The following FIBP variants were observed in gnomAD, a reference collection of about 807,000 sequenced individuals.
The protein encoded by FIBP is FGF1 intracellular binding protein.
In FIBP, 29 loss-of-function variants were observed where a neutral mutation model predicts 40.5. The observed-to-expected ratio is 0.72, with a 90% CI of 0.53 to 0.98. The LOEUF (loss-of-function observed/expected upper bound fraction) is 0.98. Among genes scored for constraint, FIBP ranks in the 50% least tolerant of loss-of-function variants. The pLI is 0.00. For missense variants in FIBP, 411 were observed against 470.2 expected, an observed-to-expected ratio of 0.87 and a Z score of 1.16; for synonymous variants, 215 against 191.1, an observed-to-expected ratio of 1.13 and a Z score of -1.03.
chr11:65,886,484 A>G (rs1036194485), intron 3 of FIBP, 62 bp from the exon 4 acceptor site: 10 of 1,071,350 alleles, frequency 9.3e-6, no homozygotes, highest in Middle Eastern at 2.0e-4. Context: ...CGCTCACCCA[A>G]TAAACCACTT....
Position 65,884,397 on chromosome 11 carries a change from G to C in FIBP, c.999C>G (p.Gly333=). ...QYSASVHSLD[G]FRHQALWDRY... ...AGGAGGACAGGGCTGCTCACCGGAA[G>C]CCATCGAGGGAGTGGACAGACGCTG... The change falls in exon 9 of 10, where the codon GGC becomes GGG. Residue 333 remains glycine (G), a synonymous_variant. Coordinates refer to ENST00000357519, the MANE Select transcript of FIBP (RefSeq NM_004214.5). 6.2e-7 allele frequency: 1 copy of C among 1,613,836 alleles called. No homozygotes were observed. Among genetic ancestry groups the C allele is most frequent in the Non-Finnish European group, 8.5e-7 (1 of 1,179,814 alleles).
chr11:65,883,845 C>T lies in FIBP; in HGVS notation c.*129G>A, dbSNP rs963337031. On this transcript the variant is annotated 3_prime_UTR_variant, in exon 10 of 10. Coordinates refer to ENST00000357519, the MANE Select transcript of FIBP (RefSeq NM_004214.5). ...CACTGTACACATCCATCCTTGTACA[C>T]GGACACCAGGTGCTCAGAGACAGAC... The T allele has an allele frequency of 1.1e-5, 9 of 831,486 alleles. No individual in the cohort carries two copies. The highest frequency in any genetic ancestry group is 4.4e-5 in the Admixed American group (2 of 45,228). The allele number at this position is 831,486 out of a possible 1,614,324, so 51.5% of individuals were successfully genotyped here.
In FIBP at chr11:65,884,519, G is replaced by A. The variant is rs765337956; in HGVS notation, c.907-30C>T. The A allele has an allele frequency of 2.2e-5, 35 of 1,614,084 alleles. 1 individual carries two copies. In the South Asian group the frequency reaches 3.0e-4, roughly 14 times the overall value. On this transcript the variant is annotated intron_variant, in intron 8 of 9. Transcript: ENST00000357519. ...GGGCCCAAGAGAATACTTAGCACTTGTATAGGCCAGGGACAGACCAGGTTG... is the reference window on the plus strand; with the variant it reads ...GGGCCCAAGAGAATACTTAGCACTTATATAGGCCAGGGACAGACCAGGTTG...
In FIBP at chr11:65,885,262, C is replaced by T. The variant is rs1860205466; in HGVS notation, c.647-76G>A. ...ATAGCCTAAGCCTTTCCTCACCCAC[C>T]ACCTTATTTCCCCCCTGGGGACAAA... On this transcript the variant is annotated intron_variant, in intron 5 of 9. Transcript: ENST00000357519. 5 of 1,190,138 alleles carry T rather than the reference C, an allele frequency of 4.2e-6. No individual in the cohort carries two copies. In the Admixed American group the frequency reaches 6.9e-5, roughly 16 times the overall value. 73.7% of individuals were successfully genotyped at this position (1,190,138 alleles called of 1,614,324 possible).
Position 65,884,642 on chromosome 11 carries a change from C to G in FIBP, c.834G>C (p.Gly278=). ...MEANFKNLSR[G]LVNVAAKLTH... is the part of the protein sequence containing the mutation. ...TCAGCTTGGCGGCCACGTTCACCAG[C>G]CCCCGGGACAGGTTCTGTGGGGCAG... is the stretch of plus-strand genomic sequence containing the variant. Residue 278 remains glycine (G), a synonymous_variant, in exon 8 of 10, where the codon GGG becomes GGC. Coordinates refer to ENST00000357519, the MANE Select transcript of FIBP (RefSeq NM_004214.5). The G allele has an allele frequency of 6.2e-7, 1 of 1,613,974 alleles. No homozygotes were observed. The highest frequency in any genetic ancestry group is 1.6e-4 in the Middle Eastern group (1 of 6,062).
chr11:65,885,903 G>C (rs2134773431), intron 4 of FIBP: 1 of 512,974 alleles, frequency 1.9e-6, no homozygotes, highest in East Asian at 3.1e-5. Flanking sequence ...TATCTACTGA[G>C]CACTTCCTAA....
In FIBP at chr11:65,887,646, T is replaced by C. The variant is rs375123822; in HGVS notation, c.365A>G (p.Asp122Gly). The C allele has an allele frequency of 5.5e-5, 88 of 1,614,024 alleles. No individual in the cohort carries two copies. Among genetic ancestry groups the C allele is most frequent in the Non-Finnish European group, 7.2e-5 (85 of 1,180,020 alleles). The change falls in exon 3 of 10, where the codon GAC becomes GGC. Residue 122 changes from aspartate to glycine, a missense_variant. Coordinates refer to ENST00000357519, the MANE Select transcript of FIBP (RefSeq NM_004214.5). Reference sequence around the variant, plus strand: ...GGTGATGCCTGTTTTGGTGCTGATGTCATCCAGGTCTTTCTTGGTGCCTTT... The same window carrying C: ...GGTGATGCCTGTTTTGGTGCTGATGCCATCCAGGTCTTTCTTGGTGCCTTT... ...LSKGTKKDLDDISTKTGITLK... is the reference protein window; with the variant it reads ...LSKGTKKDLDGISTKTGITLK...
rs781359228 is a variant in FIBP at position 65,884,576 on chromosome 11, C to T, written c.900G>A (p.Val300=). The change falls in exon 8 of 10, where the codon GTG becomes GTA. Residue 300 remains valine (V), a synonymous_variant. Coordinates refer to ENST00000357519, the MANE Select transcript of FIBP (RefSeq NM_004214.5). ...AGAGAGCACGACAGCTCACCTTCTC[C>T]ACGAGGTCCACAAACAGGTCTCTGA... ...KDVRDLFVDL[V]EKFVEPCRSD... 8.7e-6 allele frequency: 14 copies of T among 1,614,066 alleles called. No homozygotes were observed. Among genetic ancestry groups the T allele is most frequent in the East Asian group, 2.2e-5 (1 of 44,892 alleles).
At chr11:65,885,023 A>G in intron 6 of FIBP, 25 bp from the exon 7 acceptor site, 1 of 1,614,120 alleles carries the variant, frequency 6.2e-7, no homozygotes, top group Non-Finnish European at 8.5e-7. Flanking sequence ...GGTCACGCCT[A>G]TAGCCACCTG....
At position 65,887,692 on chromosome 11, in the gene FIBP, C is replaced by T. The variant is rs1860274464; in HGVS notation, c.319G>A (p.Val107Met). 6.2e-7 allele frequency: 1 copy of T among 1,614,156 alleles called. No homozygotes were observed. The change falls in exon 3 of 10, where the codon GTG becomes ATG. Residue 107 changes from valine to methionine, a missense_variant. Transcript: ENST00000357519. Reference sequence around the variant, plus strand: ...CCTTTGGACAGCTTCTTGCCCAGCACCTCCCGAACAAAGGCCTCATCAAAG... The same window carrying T: ...CCTTTGGACAGCTTCTTGCCCAGCATCTCCCGAACAAAGGCCTCATCAAAG... ...YAFDEAFVREVLGKKLSKGTK... is the reference protein window; with the variant it reads ...YAFDEAFVREMLGKKLSKGTK...
chr11:65,887,934 C>T lies in FIBP; in HGVS notation c.284G>A (p.Arg95Lys), dbSNP rs772612847. 6.2e-7 allele frequency: 1 copy of T among 1,612,928 alleles called. No individual in the cohort carries two copies. The highest frequency in any genetic ancestry group is 8.5e-7 in the Non-Finnish European group (1 of 1,179,346). Residue 95 changes from arginine to lysine, a missense_variant and splice_region_variant, in exon 2 of 10, where the codon AGG becomes AAG. Coordinates refer to ENST00000357519, the MANE Select transcript of FIBP (RefSeq NM_004214.5). ...PPSRQALLIERYYAFDEAFVR... is the reference protein window; with the variant it reads ...PPSRQALLIEKYYAFDEAFVR... ...CTCCACCATCCCAGAGGGTGAGCACCTCTCGATGAGTAGTGCCTGCCGGGA... is the reference window on the plus strand; with the variant it reads ...CTCCACCATCCCAGAGGGTGAGCACTTCTCGATGAGTAGTGCCTGCCGGGA...
Position 65,885,674 on chromosome 11 carries a change from G to T in FIBP, c.513-11C>A, listed in dbSNP as rs532911118. The T allele has an allele frequency of 6.3e-7, 1 of 1,598,184 alleles. No homozygotes were observed. The highest frequency in any genetic ancestry group is 1.1e-5 in the South Asian group (1 of 90,100). On this transcript the variant is annotated splice_polypyrimidine_tract_variant and intron_variant, in intron 4 of 9. Transcript: ENST00000357519. ...ATGGCTGCATAGTCCCTGCACAGAC[G>T]AGAGGAGGGTCCTCTTAGGGCTTGA...
At position 65,885,471 on chromosome 11, in the gene FIBP, G is replaced by C. The variant is rs369016503; in HGVS notation, c.646+59C>G. 2.9e-5 allele frequency: 46 copies of C among 1,579,264 alleles called. No homozygotes were observed. In the African/African-American group the frequency reaches 5.2e-4, roughly 18 times the overall value. ...GGGCCTGTGGGAGAAACTACTGGTG[G>C]GGAATCAGGTCCTGAGGATGGGGAG... On this transcript the variant is annotated intron_variant, in intron 5 of 9. Coordinates refer to ENST00000357519, the MANE Select transcript of FIBP (RefSeq NM_004214.5).
chr11:65,883,977 G>C lies in FIBP; in HGVS notation c.1071C>G (p.Asp357Glu). The C allele has an allele frequency of 1.2e-6, 2 of 1,613,778 alleles. No individual in the cohort carries two copies. Among genetic ancestry groups the C allele is most frequent in the Non-Finnish European group, 1.7e-6 (2 of 1,179,810 alleles). The part of the protein sequence containing the change: ...LRGCLLRLYH[D>E] ...GGGCGGAGCGTTGGGAGGCACCTCA[G>C]TCATGATACAGGCGCAGGAGGCAGC... The change falls in exon 10 of 10, where the codon GAC becomes GAG. Residue 357 changes from aspartate (D) to glutamate (E), a missense_variant. By Grantham distance (45) the Asp-to-Glu change is conservative (BLOSUM62 2). Transcript: ENST00000357519.
In FIBP at chr11:65,887,563, A is replaced by G. The variant is rs372727587; in HGVS notation, c.411+37T>C. The stretch of plus-strand genomic sequence containing the variant: ...TGGCCAAAGGGAGGGAGTGAAGTGT[A>G]GATGGGATGCTGTGTCCGTGTGGAT... On this transcript the variant is annotated intron_variant, in intron 3 of 9. Transcript: ENST00000357519. 9 of 1,612,060 alleles carry G rather than the reference A, an allele frequency of 5.6e-6. No homozygotes were observed. In the African/African-American group the frequency reaches 1.1e-4, roughly 19 times the overall value.
chr11:65,884,055 T>C lies in FIBP; in HGVS notation c.1005-12A>G. The stretch of plus-strand genomic sequence containing the variant: ...AGAGGGCCTGGTGTCTGTAAGAACA[T>C]GAACAGTGACAGCTGAGTTTTCACA... On this transcript the variant is annotated splice_polypyrimidine_tract_variant and intron_variant, in intron 9 of 9. Transcript: ENST00000357519. 6.2e-7 allele frequency: 1 copy of C among 1,611,136 alleles called. No homozygotes were observed. The highest frequency in any genetic ancestry group is 8.5e-7 in the Non-Finnish European group (1 of 1,178,030).
Position 65,888,385 on chromosome 11 carries a change from T to C in FIBP, c.34A>G (p.Thr12Ala). 6.4e-7 allele frequency: 1 copy of C among 1,566,818 alleles called. No homozygotes were observed. Among genetic ancestry groups the C allele is most frequent in the Non-Finnish European group, 8.7e-7 (1 of 1,155,296 alleles). The change falls in exon 1 of 10, where the codon ACG becomes GCG. Residue 12 changes from threonine (T) to alanine (A), a missense_variant. Coordinates refer to ENST00000357519, the MANE Select transcript of FIBP (RefSeq NM_004214.5). Reference protein sequence around the residue: ...TSELDIFVGNTTLIDEDVYRL... With the variant: ...TSELDIFVGNATLIDEDVYRL... ...TACACGTCCTCGTCGATAAGGGTCG[T>C]GTTCCCCACGAAGATGTCCAGCTCA...
Position 65,886,426 on chromosome 11 carries a change from C to T in FIBP, c.412-4G>A, listed in dbSNP as rs1408063712. The T allele has an allele frequency of 1.9e-6, 3 of 1,606,526 alleles. No individual in the cohort carries two copies. The highest frequency in any genetic ancestry group is 2.6e-6 in the Non-Finnish European group (3 of 1,173,152). ...AGACCCGTTTAAAGTTGTCAAACTG[C>T]AGGGCAGTTAGGGTAGAAGAGAGGA... is the stretch of plus-strand genomic sequence containing the variant. On this transcript the variant is annotated splice_polypyrimidine_tract_variant and splice_region_variant and intron_variant, in intron 3 of 9. Coordinates refer to ENST00000357519, the MANE Select transcript of FIBP (RefSeq NM_004214.5).
intron 3 of FIBP, 169 bp downstream of exon 3, chr11:65,887,431 G>A (rs865777748): frequency 1.8e-5 from 13 of 736,584 alleles, no homozygotes; most frequent in African/African-American, 3.8e-5. Flanking sequence ...GGGCCACAGA[G>A]CAAGACTCCA....
Sources: allele counts gnomAD v4.1 joint callset, GRCh38; gene constraint gnomAD v4.1.1; transcripts MANE v1.5; gene names NCBI Gene and HGNC (gene_info 2026-07-23, HGNC 2026-07-21).